The following CCDC71L variants were observed in gnomAD, a reference collection of about 807,000 sequenced individuals.
CCDC71L encodes coiled-coil domain-containing protein 71L.
In CCDC71L, 6 loss-of-function variants were observed where a neutral mutation model predicts 10.2. The observed-to-expected ratio is 0.59, with a 90% CI of 0.32 to 1.16. The LOEUF (loss-of-function observed/expected upper bound fraction) is 1.16. CCDC71L is among the 50% of genes most tolerant of loss of function. The probability of loss-of-function intolerance (pLI) is 0.05; values close to 1 mark genes in which losing one functional copy is unlikely to be tolerated. For synonymous variants in CCDC71L, 204 were observed against 175.5 expected, an observed-to-expected ratio of 1.16 and a Z score of -1.28; for missense variants, 366 against 383.4, an observed-to-expected ratio of 0.95 and a Z score of 0.38.
In CCDC71L at chr7:106,660,738, G is replaced by T. The variant is rs1792580857; in HGVS notation, c.159C>A (p.Thr53=). ...SRSQLSLADS[T]KALGDAFKLF... Reference sequence around the variant, plus strand: ...GCTTGAAGGCGTCGCCCAGCGCCTTGGTGCTGTCAGCCAGCGACAGTTGCG... The same window carrying T: ...GCTTGAAGGCGTCGCCCAGCGCCTTTGTGCTGTCAGCCAGCGACAGTTGCG... The change falls in exon 1 of 1, where the codon ACC becomes ACA. Residue 53 remains threonine, a synonymous_variant. Transcript: ENST00000523505. The surrounding 1 kb of genome is among the most constrained non-coding windows in gnomAD (Gnocchi z 7.5). 1 of 1,570,098 alleles carries T rather than the reference G, an allele frequency of 6.4e-7. No homozygotes were observed. The highest frequency in any genetic ancestry group is 8.6e-7 in the Non-Finnish European group (1 of 1,157,660).
At position 106,654,395 on chromosome 7, in the gene CCDC71L, T is replaced by C. The variant is rs1792458957; in HGVS notation, c.*5794A>G. Reference sequence around the variant, plus strand: ...TTCATCAAAGCTTTATTTATAATTGTTCCAAACTGGAATCTACCCAAATGC... The same window carrying C: ...TTCATCAAAGCTTTATTTATAATTGCTCCAAACTGGAATCTACCCAAATGC... On this transcript the variant is annotated 3_prime_UTR_variant, in exon 1 of 1. Coordinates refer to ENST00000523505, the MANE Select transcript of CCDC71L (RefSeq NM_175884.6). Among the ~76,000 whole-genome samples, 1 of 152,108 alleles carries C rather than the reference T, an allele frequency of 6.6e-6. No homozygotes were observed. The highest frequency in any genetic ancestry group is 1.5e-5 in the Non-Finnish European group (1 of 67,992).
At position 106,661,047 on chromosome 7, in the gene CCDC71L, G is replaced by A. The variant is rs538099810; in HGVS notation, c.-151C>T. 3.5e-5 allele frequency: 41 copies of A among 1,160,738 alleles called. 1 individual carries two copies. In the South Asian group the frequency reaches 1.0e-3, roughly 30 times the overall value. 71.9% of individuals were successfully genotyped at this position (1,160,738 alleles called of 1,614,324 possible). ...CGCCCCTCCCCCTCCGAGGGCGGAG[G>A]ACGCGGGCGAATATCCTGCTGCCCG... is the stretch of plus-strand genomic sequence containing the variant. On this transcript the variant is annotated 5_prime_UTR_variant, in exon 1 of 1. Coordinates refer to ENST00000523505, the MANE Select transcript of CCDC71L (RefSeq NM_175884.6).
Position 106,660,911 on chromosome 7 carries a change from G to C in CCDC71L, c.-15C>G. 3 of 1,357,344 alleles carry C rather than the reference G, an allele frequency of 2.2e-6. No individual in the cohort carries two copies. The highest frequency in any genetic ancestry group is 1.9e-6 in the Non-Finnish European group (2 of 1,058,772). 84.1% of individuals were successfully genotyped at this position (1,357,344 alleles called of 1,614,324 possible). ...CTGCGCCGCATCGAAGGCCGCTCCGGGCCACTCACGCTCGCCGGGTCCCAC... is the reference window on the plus strand; with the variant it reads ...CTGCGCCGCATCGAAGGCCGCTCCGCGCCACTCACGCTCGCCGGGTCCCAC... On this transcript the variant is annotated 5_prime_UTR_variant, in exon 1 of 1. Transcript: ENST00000523505. The surrounding 1 kb of genome is among the most constrained non-coding windows in gnomAD (Gnocchi z 7.5).
Position 106,660,867 on chromosome 7 carries a change from G to GCGC in CCDC71L, c.27_29dup (p.Arg12dup). The GCGC allele has an allele frequency of 2.7e-6, 4 of 1,463,330 alleles. No individual in the cohort carries two copies. Among genetic ancestry groups the GCGC allele is most frequent in the Non-Finnish European group, 3.6e-6 (4 of 1,114,414 alleles). 90.6% of individuals were successfully genotyped at this position (1,463,330 alleles called of 1,614,324 possible). A position where few individuals can be genotyped will look rare whatever the true frequency, so the allele number is the denominator to read the frequency against. Reference sequence around the variant, plus strand: ...CCGTGGCCGGGGCGACCGGGCGCCGGCGCCGCCGCCTCTTCATACTGCGCC... The same window carrying GCGC: ...CCGTGGCCGGGGCGACCGGGCGCCGGCGCCGCCGCCGCCTCTTCATACTGCGCC... On this transcript the variant is annotated inframe_insertion, in exon 1 of 1. Transcript: ENST00000523505. This position sits in a 1 kb window ranked among gnomAD's most constrained non-coding sequence, Gnocchi z 7.5.
chr7:106,658,028 G>A lies in CCDC71L; in HGVS notation c.*2161C>T, dbSNP rs1487573103. 1 of 152,092 alleles carries A rather than the reference G, an allele frequency of 6.6e-6. No homozygotes were observed. The highest frequency in any genetic ancestry group is 1.5e-5 in the Non-Finnish European group (1 of 68,008). 9.4% of individuals were successfully genotyped at this position (152,092 alleles called of 1,614,324 possible). ...GTATGTCGAAATTGCATTCTAATATGGCCATTGGGTTTATTTTTCATTATT... is the reference window on the plus strand; with the variant it reads ...GTATGTCGAAATTGCATTCTAATATAGCCATTGGGTTTATTTTTCATTATT... On this transcript the variant is annotated 3_prime_UTR_variant, in exon 1 of 1. Coordinates refer to ENST00000523505, the MANE Select transcript of CCDC71L (RefSeq NM_175884.6).
At position 106,659,629 on chromosome 7, in the gene CCDC71L, G is replaced by C. The variant is rs561982575; in HGVS notation, c.*560C>G. On this transcript the variant is annotated 3_prime_UTR_variant, in exon 1 of 1. Coordinates refer to ENST00000523505, the MANE Select transcript of CCDC71L (RefSeq NM_175884.6). Reference sequence around the variant, plus strand: ...AAAAAATATCCTCGATCAAAGCTTTGGAATCCAGTAAAAATTAGGAAACGA... The same window carrying C: ...AAAAAATATCCTCGATCAAAGCTTTCGAATCCAGTAAAAATTAGGAAACGA... 10 of 152,618 alleles carry C rather than the reference G, an allele frequency of 6.6e-5. No homozygotes were observed. Among genetic ancestry groups the C allele is most frequent in the African/African-American group, 2.2e-4 (9 of 41,516 alleles). 9.5% of individuals were successfully genotyped at this position (152,618 alleles called of 1,614,324 possible). A position where few individuals can be genotyped will look rare whatever the true frequency, so the allele number is the denominator to read the frequency against.
chr7:106,660,021 C>T lies in CCDC71L; in HGVS notation c.*168G>A. 2 of 970,498 alleles carry T rather than the reference C, an allele frequency of 2.1e-6. No homozygotes were observed. The highest frequency in any genetic ancestry group is 6.6e-5 in the East Asian group (2 of 30,238). 60.1% of individuals were successfully genotyped at this position (970,498 alleles called of 1,614,324 possible). A position where few individuals can be genotyped will look rare whatever the true frequency, so the allele number is the denominator to read the frequency against. ...CCCAGCGTCCAAGACGACCGCGCCG[C>T]GGCCCGGGACAGGGACAACCATCCG... On this transcript the variant is annotated 3_prime_UTR_variant, in exon 1 of 1. Coordinates refer to ENST00000523505, the MANE Select transcript of CCDC71L (RefSeq NM_175884.6). The surrounding 1 kb of genome is among the most constrained non-coding windows in gnomAD (Gnocchi z 7.5).
In CCDC71L at chr7:106,661,017, G is replaced by C; in HGVS notation, c.-121C>G. ...GTCTCTCGCTACTTTTCTCGCCTCC[G>C]CCGCCGCCCCTCCCCCTCCGAGGGC... is the stretch of plus-strand genomic sequence containing the variant. On this transcript the variant is annotated 5_prime_UTR_variant, in exon 1 of 1. Transcript: ENST00000523505. 2 of 1,261,888 alleles carry C rather than the reference G, an allele frequency of 1.6e-6. No homozygotes were observed. The highest frequency in any genetic ancestry group is 2.0e-6 in the Non-Finnish European group (2 of 995,260). The allele number at this position is 1,261,888 out of a possible 1,614,324, so 78.2% of individuals were successfully genotyped here.
rs1388621077 is a variant in CCDC71L, at chr7:106,657,876, A to G, written c.*2313T>C. The G allele has an allele frequency of 6.6e-6, 1 of 152,182 alleles. No individual in the cohort carries two copies. The highest frequency in any genetic ancestry group is 2.4e-5 in the African/African-American group (1 of 41,456). 9.4% of individuals were successfully genotyped at this position (152,182 alleles called of 1,614,324 possible). A position where few individuals can be genotyped will look rare whatever the true frequency, so the allele number is the denominator to read the frequency against. On this transcript the variant is annotated 3_prime_UTR_variant, in exon 1 of 1. Transcript: ENST00000523505. Reference sequence around the variant, plus strand: ...TAAAGTAACAAGGCATAGGAGAGAAAAATGTCAAGAATCTCAGTTAAAATA... The same window carrying G: ...TAAAGTAACAAGGCATAGGAGAGAAGAATGTCAAGAATCTCAGTTAAAATA...
rs1792468496 is a variant in CCDC71L, at chr7:106,655,046, C to A, written c.*5143G>T. ...AGACTACTTATTCAAATTTTCTGGG[C>A]TAAACATAGTGTTTGGTGTTTTTAT... On this transcript the variant is annotated 3_prime_UTR_variant, in exon 1 of 1. Coordinates refer to ENST00000523505, the MANE Select transcript of CCDC71L (RefSeq NM_175884.6). 6.6e-6 allele frequency among the ~76,000 whole-genome samples: 1 copy of A among 152,096 alleles called. No individual in the cohort carries two copies. Among genetic ancestry groups the A allele is most frequent in the African/African-American group, 2.4e-5 (1 of 41,426 alleles).
rs1440243283 is a variant in CCDC71L, at chr7:106,655,291, T to C, written c.*4898A>G. Among the ~76,000 whole-genome samples the C allele has an allele frequency of 6.6e-6, 1 of 152,194 alleles. No individual in the cohort carries two copies. The highest frequency in any genetic ancestry group is 1.5e-5 in the Non-Finnish European group (1 of 67,998). On this transcript the variant is annotated 3_prime_UTR_variant, in exon 1 of 1. Coordinates refer to ENST00000523505, the MANE Select transcript of CCDC71L (RefSeq NM_175884.6). ...GTGTCAACTTCAGATAACTGCAACT[T>C]TGGCTTGTTCACCAATTTAGAGGAT...
rs905115471 is a variant in CCDC71L, at chr7:106,656,427, C to T, written c.*3762G>A. 6.6e-6 allele frequency among the ~76,000 whole-genome samples: 1 copy of T among 152,058 alleles called. No individual in the cohort carries two copies. The highest frequency in any genetic ancestry group is 1.5e-5 in the Non-Finnish European group (1 of 68,006). ...CTTTCATGCCATGAAAGAGCAAGAG[C>T]TTTAGACCTTTTGTCATCGTCACAG... On this transcript the variant is annotated 3_prime_UTR_variant, in exon 1 of 1. Transcript: ENST00000523505.
In CCDC71L at chr7:106,658,185, T is replaced by C. The variant is rs1209294940; in HGVS notation, c.*2004A>G. ...AAATACAATTGGCAATGGAAGCTAA[T>C]AACCAAAAGATATGTCTAAGCTTCC... On this transcript the variant is annotated 3_prime_UTR_variant, in exon 1 of 1. Coordinates refer to ENST00000523505, the MANE Select transcript of CCDC71L (RefSeq NM_175884.6). 1 of 152,198 alleles carries C rather than the reference T, an allele frequency of 6.6e-6. No homozygotes were observed. The highest frequency in any genetic ancestry group is 2.4e-5 in the African/African-American group (1 of 41,456). The allele number at this position is 152,198 out of a possible 1,614,324, so 9.4% of individuals were successfully genotyped here.
rs1023987589 is a variant in CCDC71L, at chr7:106,658,220, T to A, written c.*1969A>T. On this transcript the variant is annotated 3_prime_UTR_variant, in exon 1 of 1. Transcript: ENST00000523505. ...ATATGTCTAAGCTTCCTATCACAAA[T>A]ATAATTTAACACTCTCCATCTTCTA... 1 of 152,182 alleles carries A rather than the reference T, an allele frequency of 6.6e-6. No homozygotes were observed. The highest frequency in any genetic ancestry group is 6.5e-5 in the Admixed American group (1 of 15,274). The allele number at this position is 152,182 out of a possible 1,614,324, so 9.4% of individuals were successfully genotyped here. A position where few individuals can be genotyped will look rare whatever the true frequency, so the allele number is the denominator to read the frequency against.
chr7:106,661,121 C>A lies in CCDC71L; in HGVS notation c.-225G>T. 2 of 494,486 alleles carry A rather than the reference C, an allele frequency of 4.0e-6. No individual in the cohort carries two copies. The allele number at this position is 494,486 out of a possible 1,614,324, so 30.6% of individuals were successfully genotyped here. A position where few individuals can be genotyped will look rare whatever the true frequency, so the allele number is the denominator to read the frequency against. On this transcript the variant is annotated 5_prime_UTR_variant, in exon 1 of 1. Transcript: ENST00000523505. ...ACCCCTGGGCTTTGTCATTGGACGG[C>A]GCCTCGCCCCCCTGGTTTCTCTTTC... is the stretch of plus-strand genomic sequence containing the variant.
chr7:106,656,608 C>T lies in CCDC71L; in HGVS notation c.*3581G>A, dbSNP rs985421604. 4.6e-5 allele frequency among the ~76,000 whole-genome samples: 7 copies of T among 151,620 alleles called. No homozygotes were observed. The highest frequency in any genetic ancestry group is 1.3e-4 in the Admixed American group (2 of 15,240). ...AAAGAATTGATGGAACACAGACTCCCGAGATAGCACAAAAAACAAATCTCG... is the reference window on the plus strand; with the variant it reads ...AAAGAATTGATGGAACACAGACTCCTGAGATAGCACAAAAAACAAATCTCG... On this transcript the variant is annotated 3_prime_UTR_variant, in exon 1 of 1. Transcript: ENST00000523505.
Position 106,658,870 on chromosome 7 carries a change from TATA to T in CCDC71L, c.*1316_*1318del, listed in dbSNP as rs932745628. Reference sequence around the variant, plus strand: ...TGTCAAAGACCTAGAACTGCAAACATATAATGAGTGGCAAAAAGGTTAAAAAAA... The same window carrying T: ...TGTCAAAGACCTAGAACTGCAAACATATGAGTGGCAAAAAGGTTAAAAAAA... On this transcript the variant is annotated 3_prime_UTR_variant, in exon 1 of 1. Coordinates refer to ENST00000523505, the MANE Select transcript of CCDC71L (RefSeq NM_175884.6). 6.6e-6 allele frequency: 1 copy of T among 152,502 alleles called. No homozygotes were observed. The highest frequency in any genetic ancestry group is 2.4e-5 in the African/African-American group (1 of 41,410). The allele number at this position is 152,502 out of a possible 1,614,324, so 9.4% of individuals were successfully genotyped here.
chr7:106,660,072 T>C lies in CCDC71L; in HGVS notation c.*117A>G, dbSNP rs1185845580. On this transcript the variant is annotated 3_prime_UTR_variant, in exon 1 of 1. Transcript: ENST00000523505. The surrounding 1 kb of genome is among the most constrained non-coding windows in gnomAD (Gnocchi z 7.5). Reference sequence around the variant, plus strand: ...GCAACTTCTTCGCGCGTAAAGTGCATTGGGGGCCGGGGTCCTGGCCGGATC... The same window carrying C: ...GCAACTTCTTCGCGCGTAAAGTGCACTGGGGGCCGGGGTCCTGGCCGGATC... 4 of 1,295,544 alleles carry C rather than the reference T, an allele frequency of 3.1e-6. No individual in the cohort carries two copies. The highest frequency in any genetic ancestry group is 3.8e-5 in the Admixed American group (1 of 26,610). 80.3% of individuals were successfully genotyped at this position (1,295,544 alleles called of 1,614,324 possible). A position where few individuals can be genotyped will look rare whatever the true frequency, so the allele number is the denominator to read the frequency against.
chr7:106,660,313 C>A lies in CCDC71L; in HGVS notation c.584G>T (p.Arg195Leu), dbSNP rs1211641213. Residue 195 changes from arginine to leucine, a missense_variant, in exon 1 of 1, where the codon CGC (arginine) becomes CTC (leucine). Coordinates refer to ENST00000523505, the MANE Select transcript of CCDC71L (RefSeq NM_175884.6). The surrounding 1 kb of genome is among the most constrained non-coding windows in gnomAD (Gnocchi z 7.5). Reference protein sequence around the residue: ...TPTLTTFPTIRVGSDVWGERS... With the variant: ...TPTLTTFPTILVGSDVWGERS... ...CTCGCCCCACACGTCGCTGCCGACG[C>A]GGATGGTGGGGAAGGTGGTCAGCGT... 6.5e-7 allele frequency: 1 copy of A among 1,536,918 alleles called. No individual in the cohort carries two copies. The highest frequency in any genetic ancestry group is 1.2e-5 in the South Asian group (1 of 85,138).
Sources: allele counts gnomAD v4.1 joint callset (sites outside exome capture counted in the v4.1 genomes callset), GRCh38; gene constraint gnomAD v4.1.1; non-coding constraint Gnocchi (gnomAD v3.1); transcripts MANE v1.5; gene names NCBI Gene and HGNC (gene_info 2026-07-23, HGNC 2026-07-21).